MYO3A: variants seen among roughly 807,000 people sequenced by gnomAD.
The protein encoded by MYO3A is myosin IIIA, also known as myosin-IIIa.
A neutral mutation model predicts 192.7 loss-of-function variants in MYO3A; 180 were observed. The ratio of observed to expected loss-of-function variants is 0.93; its 90% CI spans 0.83 to 1.06. The LOEUF is 1.06. MYO3A is among the 50% of genes least tolerant of loss of function. The pLI is 0.00. For synonymous variants in MYO3A, 628 were observed against 645.3 expected (o/e 0.97, Z 0.41); for missense variants, 1,896 against 1,905.0 (o/e 1.00, Z 0.09).
chr10:26,098,849 G>A (rs1190576870), intron 17 of MYO3A, among the ~76,000 whole-genome samples: 2 of 152,156 alleles, frequency 1.3e-5, no homozygotes, highest in Admixed American at 6.5e-5. Flanking sequence ...GTAGCATGAT[G>A]CCTCCAGCTT....
At chr10:26,062,006 G>C (rs1834513744) in intron 10 of MYO3A, among the ~76,000 whole-genome samples, 1 of 151,732 alleles carries the variant, frequency 6.6e-6, no homozygotes, top group Non-Finnish European at 1.5e-5. Flanking sequence ...TTCAGCAAAT[G>C]TGGAGACCAA....
chr10:26,034,924 A>AGTTGTGT (rs370942096), intron 10 of MYO3A, among the ~76,000 whole-genome samples: 1 of 151,014 alleles, frequency 6.6e-6, no homozygotes, highest in Non-Finnish European at 1.5e-5. Flanking sequence ...TTTTACATGA[A>AGTTGTGT]GCGTGTGTGT....
intron 20 of MYO3A, among the ~76,000 whole-genome samples, chr10:26,131,584 C>A (rs1351929031): frequency 6.6e-6 from 1 of 152,124 alleles, no homozygotes; most frequent in East Asian, 1.9e-4. Flanking sequence ...CTGGAGCATC[C>A]ACTTTGTATC....
In MYO3A at chr10:26,212,081, G is replaced by T; in HGVS notation, c.*118G>T. On this transcript the variant is annotated 3_prime_UTR_variant, in exon 35 of 35. Transcript: ENST00000642920. Reference sequence around the variant, plus strand: ...CACTGAAGCTGCGGCCCTGATCTCCGCAGAGGCTGCCTGCTGCGCTCGGCC... The same window carrying T: ...CACTGAAGCTGCGGCCCTGATCTCCTCAGAGGCTGCCTGCTGCGCTCGGCC... The T allele has an allele frequency of 7.1e-7, 1 of 1,399,288 alleles. No individual in the cohort carries two copies. Among genetic ancestry groups the T allele is most frequent in the Non-Finnish European group, 9.5e-7 (1 of 1,049,350 alleles). The allele number at this position is 1,399,288 out of a possible 1,614,324, so 86.7% of individuals were successfully genotyped here. A position where few individuals can be genotyped will look rare whatever the true frequency, so the allele number is the denominator to read the frequency against.
At chr10:25,951,556 G>A (rs1057029100) in intron 2 of MYO3A, among the ~76,000 whole-genome samples, 6 of 152,146 alleles carry the variant, frequency 3.9e-5, no homozygotes, top group Admixed American at 2.0e-4. Context: ...GTATATGAGA[G>A]AAGAGGCTGG....
chr10:26,066,659 C>T (rs1834865944), intron 10 of MYO3A, among the ~76,000 whole-genome samples: 1 of 152,208 alleles, frequency 6.6e-6, no homozygotes, highest in South Asian at 2.1e-4. Flanking sequence ...TCAAACCCTT[C>T]AGCCTCATCA....
In MYO3A at chr10:26,168,812, G is replaced by T. The variant is rs1226283036; in HGVS notation, c.3212G>T (p.Cys1071Phe). The T allele has an allele frequency of 1.3e-5, 21 of 1,612,830 alleles. No homozygotes were observed. Among genetic ancestry groups the T allele is most frequent in the African/African-American group, 2.7e-5 (2 of 74,876 alleles). The change falls in exon 28 of 35, where the codon TGT (cysteine) becomes TTT (phenylalanine). Residue 1071 changes from cysteine to phenylalanine, a missense_variant. By Grantham distance (205) the Cys-to-Phe change is radical. Coordinates refer to ENST00000642920, the MANE Select transcript of MYO3A (RefSeq NM_017433.5). ...CAAGCTTGTGTCAGAGCATTCTTGT[G>T]TTCAAGAAGATACCAAAAAATACAG... ...LIQACVRAFL[C>F]SRRYQKIQEK...
intron 4 of MYO3A, among the ~76,000 whole-genome samples, chr10:25,995,098 A>G (rs967585130): frequency 6.6e-5 from 10 of 152,174 alleles, no homozygotes; most frequent in Non-Finnish European, 1.3e-4. Context: ...AATATCCTAA[A>G]GAGTGTTTTC....
chr10:26,166,369 A>G (rs1001193783), intron 27 of MYO3A, 191 bp downstream of exon 27: 1 of 623,348 alleles, frequency 1.6e-6, no homozygotes, highest in Non-Finnish European at 2.8e-6. Flanking sequence ...TGCTCTTCAT[A>G]AAGATTTCTT....
In MYO3A at chr10:26,026,681, A is replaced by G. The variant is rs1241174583; in HGVS notation, c.953+149A>G. On this transcript the variant is annotated intron_variant, in intron 10 of 34. Transcript: ENST00000642920. Reference sequence around the variant, plus strand: ...AATGTCACCTGTTGAAATGCCTCTCAATATTGGTAAAATTACAGGCAACAC... The same window carrying G: ...AATGTCACCTGTTGAAATGCCTCTCGATATTGGTAAAATTACAGGCAACAC... 3 of 915,658 alleles carry G rather than the reference A, an allele frequency of 3.3e-6. No individual in the cohort carries two copies. The East Asian group carries it at 7.9e-5, about 24-fold the overall frequency. 56.7% of individuals were successfully genotyped at this position (915,658 alleles called of 1,614,324 possible).
At chr10:26,162,799 G>A (rs977955039) in intron 26 of MYO3A, among the ~76,000 whole-genome samples, 16 of 152,228 alleles carry the variant, frequency 1.1e-4, no homozygotes, top group Admixed American at 4.6e-4. Context: ...ACACACGGGC[G>A]CACTAGTGAG....
At chr10:26,002,986 A>G (rs16926512) in intron 6 of MYO3A, among the ~76,000 whole-genome samples, 14,282 of 152,146 alleles carry the variant, frequency 0.094, 1,179 homozygotes, top group African/African-American at 0.21. Flanking sequence ...CCCTAGAACC[A>G]GGTACAGTGC....
intron 6 of MYO3A, among the ~76,000 whole-genome samples, chr10:26,010,476 TG>T (rs1468362421): frequency 1.4e-4 from 20 of 147,668 alleles, no homozygotes; most frequent in African/African-American, 2.3e-4. Context: ...TTTTTTGTTT[TG>T]TTTTTTTATG....
chr10:26,209,382 G>A (rs1844119236), intron 34 of MYO3A, among the ~76,000 whole-genome samples: 1 of 152,096 alleles, frequency 6.6e-6, no homozygotes, highest in Non-Finnish European at 1.5e-5. Flanking sequence ...AAACATCCTT[G>A]ACCCAATCCC....
At chr10:26,144,196 C>T (rs1840326326) in intron 21 of MYO3A, among the ~76,000 whole-genome samples, 1 of 151,244 alleles carries the variant, frequency 6.6e-6, no homozygotes, top group African/African-American at 2.4e-5. Context: ...AAATGTCTTA[C>T]TCCTTAAATT....
chr10:26,172,569 G>A (rs1258422578), intron 29 of MYO3A, among the ~76,000 whole-genome samples: 2 of 152,200 alleles, frequency 1.3e-5, no homozygotes, highest in Non-Finnish European at 2.9e-5. Context: ...TTTTCGGAAC[G>A]TAATCAGTTA....
chr10:25,980,414 T>G (rs1839257103), intron 4 of MYO3A, among the ~76,000 whole-genome samples: 1 of 152,228 alleles, frequency 6.6e-6, no homozygotes, highest in South Asian at 2.1e-4. Flanking sequence ...CTCAGTGTTT[T>G]GCATATAGTA....
At chr10:25,973,918 T>C (rs1838814574) in intron 4 of MYO3A, among the ~76,000 whole-genome samples, 1 of 152,180 alleles carries the variant, frequency 6.6e-6, no homozygotes, top group Admixed American at 6.5e-5. Context: ...ACCCCTTCCT[T>C]ACACCTTATA....
At chr10:26,060,805 A>G (rs1834419304) in intron 10 of MYO3A, among the ~76,000 whole-genome samples, 1 of 152,258 alleles carries the variant, frequency 6.6e-6, no homozygotes, top group Admixed American at 6.5e-5. Context: ...CCAATATTAT[A>G]CAAAGAAAAA....
Sources: allele counts gnomAD v4.1 joint callset (sites outside exome capture counted in the v4.1 genomes callset), GRCh38; gene constraint gnomAD v4.1.1; transcripts MANE v1.5; gene names NCBI Gene and HGNC (gene_info 2026-07-23, HGNC 2026-07-21).